Variants in IPO8 observed in about 807,000 individuals in gnomAD.
IPO8 encodes importin 8.
A neutral mutation model predicts 141.2 loss-of-function variants in IPO8; 65 were observed. That is an observed-to-expected ratio of 0.46 (90% CI 0.38 to 0.57). The LOEUF (loss-of-function observed/expected upper bound fraction) is 0.57. Ranked by LOEUF, IPO8 falls within the 20% of genes least tolerant of loss-of-function variation. IPO8 has a pLI of 0.00. For synonymous variants in IPO8, 411 were observed against 420.3 expected (o/e 0.98, Z 0.27); for missense variants, 980 against 1,246.8 (o/e 0.79, Z 3.22).
intron 21 of IPO8, among the ~76,000 whole-genome samples, chr12:30,638,335 G>A (rs1184793350): frequency 6.6e-6 from 1 of 152,116 alleles, no homozygotes; most frequent in Admixed American, 6.6e-5. Flanking sequence ...CTCAATCAGG[G>A]ATTAATTCCA....
intron 8 of IPO8, among the ~76,000 whole-genome samples, chr12:30,671,718 G>A (rs2053054888): frequency 7.0e-6 from 1 of 143,672 alleles, no homozygotes; most frequent in Non-Finnish European, 1.5e-5. Flanking sequence ...TAACAGATCT[G>A]ACTAAAGAAA....
At chr12:30,660,958 G>A (rs373057506) in intron 16 of IPO8, among the ~76,000 whole-genome samples, 183 bp downstream of exon 16, 80,668 of 148,756 alleles carry the variant, frequency 0.54, 22,612 homozygotes, top group African/African-American at 0.67. Context: ...ATATTATGAT[G>A]TAATATTATA....
At chr12:30,652,084 G>A in intron 19 of IPO8, 108 bp downstream of exon 19, 1 of 595,038 alleles carries the variant, frequency 1.7e-6, no homozygotes, top group Non-Finnish European at 2.9e-6. Flanking sequence ...TGTTGATGAA[G>A]ATAATGCAGA....
intron 23 of IPO8, among the ~76,000 whole-genome samples, chr12:30,633,718 C>A (rs977834906): frequency 1.3e-5 from 2 of 152,180 alleles, no homozygotes; most frequent in African/African-American, 4.8e-5. Flanking sequence ...AGGTTGTTAG[C>A]CACAATTTTT....
At chr12:30,653,731 C>T (rs1475197792) in intron 17 of IPO8, among the ~76,000 whole-genome samples, 1 of 152,030 alleles carries the variant, frequency 6.6e-6, no homozygotes, top group African/African-American at 2.4e-5. Context: ...AAACACAAAT[C>T]TCAACAAAAA....
At chr12:30,653,594 T>C (rs1485732237) in intron 17 of IPO8, among the ~76,000 whole-genome samples, 2 of 152,078 alleles carry the variant, frequency 1.3e-5, no homozygotes, top group Non-Finnish European at 2.9e-5. Flanking sequence ...AAACGTACAG[T>C]ATTCTTCAAG....
intron 19 of IPO8, among the ~76,000 whole-genome samples, chr12:30,651,590 TTTAC>T (rs1191332328): frequency 6.6e-6 from 1 of 152,066 alleles, no homozygotes; most frequent in African/African-American, 2.4e-5. Context: ...TATGTATATA[TTTAC>T]TTATTTATTT....
intron 21 of IPO8, among the ~76,000 whole-genome samples, chr12:30,639,112 A>G (rs1028046040): frequency 6.6e-5 from 10 of 152,150 alleles, no homozygotes; most frequent in African/African-American, 2.4e-4. Context: ...GCAAAGAGTT[A>G]AACATTCTGT....
At position 30,666,256 on chromosome 12, in the gene IPO8, G is replaced by A; in HGVS notation, c.1145-5C>T. ...AAGCATAATCTTCAAAAATATCTAAGATTTTAAAAGGTTAAAACCATGTTA... is the reference window on the plus strand; with the variant it reads ...AAGCATAATCTTCAAAAATATCTAAAATTTTAAAAGGTTAAAACCATGTTA... On this transcript the variant is annotated splice_region_variant and splice_polypyrimidine_tract_variant and intron_variant, in intron 10 of 24. Coordinates refer to ENST00000256079, the MANE Select transcript of IPO8 (RefSeq NM_006390.4). 1.3e-6 allele frequency: 2 copies of A among 1,560,284 alleles called. No individual in the cohort carries two copies. Among genetic ancestry groups the A allele is most frequent in the Non-Finnish European group, 8.8e-7 (1 of 1,141,902 alleles).
chr12:30,677,150 T>C (rs1374321691), intron 5 of IPO8: 1 of 1,311,652 alleles, frequency 7.6e-7, no homozygotes, highest in Non-Finnish European at 1.0e-6. Flanking sequence ...ATCTTTGCCC[T>C]CACGAAGCTT....
In IPO8 at chr12:30,629,859, A is replaced by T. The variant is rs1247299294; in HGVS notation, c.*1001T>A. On this transcript the variant is annotated 3_prime_UTR_variant, in exon 25 of 25. Coordinates refer to ENST00000256079, the MANE Select transcript of IPO8 (RefSeq NM_006390.4). Reference sequence around the variant, plus strand: ...TTGTTTGGGTCTTTTTCCTAGATTAAAAAAAAATATTATAAAATGCTTTGG... The same window carrying T: ...TTGTTTGGGTCTTTTTCCTAGATTATAAAAAAATATTATAAAATGCTTTGG... 6.6e-6 allele frequency: 1 copy of T among 151,782 alleles called. No homozygotes were observed. The highest frequency in any genetic ancestry group is 1.5e-5 in the Non-Finnish European group (1 of 67,902). The allele number at this position is 151,782 out of a possible 1,614,324, so 9.4% of individuals were successfully genotyped here.
At chr12:30,632,779 A>G (rs2052450573) in intron 23 of IPO8, among the ~76,000 whole-genome samples, 1 of 152,178 alleles carries the variant, frequency 6.6e-6, no homozygotes, top group African/African-American at 2.4e-5. Flanking sequence ...CCCTGAAGTG[A>G]ATTACCACAT....
chr12:30,651,214 T>C (rs1311972705), intron 19 of IPO8, among the ~76,000 whole-genome samples: 1 of 152,222 alleles, frequency 6.6e-6, no homozygotes, highest in East Asian at 1.9e-4. Context: ...GCCCGGTGAT[T>C]ATGATTTAAC....
intron 5 of IPO8, chr12:30,676,979 T>C: frequency 6.5e-7 from 1 of 1,531,350 alleles, no homozygotes; most frequent in East Asian, 2.5e-5. Flanking sequence ...TTTTTTTAAA[T>C]TACTTTCCTC....
At chr12:30,688,940 G>GA (rs1199840909) in intron 2 of IPO8, among the ~76,000 whole-genome samples, 1 of 151,740 alleles carries the variant, frequency 6.6e-6, no homozygotes. Context: ...TATCAACAAT[G>GA]AAAAAAAGAC....
chr12:30,684,679 A>T (rs920198920), intron 2 of IPO8, among the ~76,000 whole-genome samples: 1 of 152,230 alleles, frequency 6.6e-6, no homozygotes, highest in Non-Finnish European at 1.5e-5. Context: ...TTAAGTCAAG[A>T]CCCAGAGCTT....
chr12:30,680,377 A>T (rs1591843131), intron 5 of IPO8, 105 bp downstream of exon 5: 1 of 834,438 alleles, frequency 1.2e-6, no homozygotes, highest in South Asian at 2.1e-5. Flanking sequence ...AATATATGGG[A>T]TAATACAAAA....
At chr12:30,656,200 C>T (rs2052797544) in intron 17 of IPO8, among the ~76,000 whole-genome samples, 1 of 152,138 alleles carries the variant, frequency 6.6e-6, no homozygotes, top group African/African-American at 2.4e-5. Flanking sequence ...CCACACTCAG[C>T]TAATTTTTTT....
intron 8 of IPO8, among the ~76,000 whole-genome samples, chr12:30,671,674 C>CAAAAAAAAAA (rs71052423): frequency 3.5e-5 from 2 of 56,476 alleles, no homozygotes; most frequent in African/African-American, 1.5e-4. Context: ...GACTCTGCCT[C>CAAAAAAAAAA]AAAAAAAAAA....
Sources: allele counts gnomAD v4.1 joint callset (sites outside exome capture counted in the v4.1 genomes callset), GRCh38; gene constraint gnomAD v4.1.1; transcripts MANE v1.5; gene names NCBI Gene and HGNC (gene_info 2026-07-23, HGNC 2026-07-21).